Variants in GGCX observed in about 807,000 individuals in gnomAD.
GGCX encodes the protein gamma-glutamyl carboxylase.
Under a neutral mutation model 88.5 loss-of-function variants are expected in GGCX, and 63 were observed. The ratio of observed to expected loss-of-function variants is 0.71; its 90% CI spans 0.58 to 0.88. The LOEUF (loss-of-function observed/expected upper bound fraction) is 0.88. Ranked by LOEUF, GGCX falls within the 40% of genes least tolerant of loss-of-function variation. The probability of loss-of-function intolerance (pLI) is 0.00; values close to 1 mark genes in which losing one functional copy is unlikely to be tolerated. For synonymous variants in GGCX, 368 were observed against 365.8 expected (o/e 1.01, Z -0.07); for missense variants, 805 against 932.9 (o/e 0.86, Z 1.79).
At chr2:85,559,749 T>C (rs1329684159) in intron 2 of GGCX, among the ~76,000 whole-genome samples, 1 of 151,942 alleles carries the variant, frequency 6.6e-6, no homozygotes, top group Non-Finnish European at 1.5e-5. Flanking sequence ...GAAAGTGCTC[T>C]GGGAGTGCTT....
chr2:85,561,339 C>T, intron 1 of GGCX, 47 bp downstream of exon 1: 4 of 1,342,926 alleles, frequency 3.0e-6, no homozygotes, highest in Non-Finnish European at 4.1e-6. Context: ...CCTCTGAGAC[C>T]AGCGCTCCTA....
In GGCX at chr2:85,549,809, T is replaced by G; in HGVS notation, c.*125A>C. On this transcript the variant is annotated 3_prime_UTR_variant, in exon 15 of 15. Transcript: ENST00000233838. ...TGTAATCTCGGAGTTAAAAACAGCTTTAGAACCCCGCCCCCCCAAAAAAAA... is the reference window on the plus strand; with the variant it reads ...TGTAATCTCGGAGTTAAAAACAGCTGTAGAACCCCGCCCCCCCAAAAAAAA... The G allele has an allele frequency of 1.4e-6, 1 of 689,982 alleles. No individual in the cohort carries two copies. The allele number at this position is 689,982 out of a possible 1,614,324, so 42.7% of individuals were successfully genotyped here.
chr2:85,551,146 C>G (rs1573319809), intron 12 of GGCX, 74 bp from the exon 13 acceptor site: 1 of 1,350,306 alleles, frequency 7.4e-7, no homozygotes. Flanking sequence ...TACTCTATGA[C>G]TCTTGGCTTC....
Position 85,554,215 on chromosome 2 carries a change from C to A in GGCX, c.817G>T (p.Asp273Tyr). The change falls in exon 7 of 15, where the codon GAT becomes TAT. Residue 273 changes from aspartate (D) to tyrosine (Y), a missense_variant. Asp to Tyr is a radical substitution (Grantham distance 160, BLOSUM62 -3). Transcript: ENST00000233838. ...AACAGGCCAATGGATCTTGAGACAT[C>A]AAAAAAGAGCAGGAAACCAGCTGAG... is the stretch of plus-strand genomic sequence containing the variant. ...DLSAGFLLFFDVSRSIGLFFV... is the reference protein window; with the variant it reads ...DLSAGFLLFFYVSRSIGLFFV... 2 of 1,613,268 alleles carry A rather than the reference C, an allele frequency of 1.2e-6. No homozygotes were observed. The highest frequency in any genetic ancestry group is 1.7e-6 in the Non-Finnish European group (2 of 1,179,278).
At chr2:85,553,568 G>A (rs1692073985) in intron 7 of GGCX, 71 bp from the exon 8 acceptor site, 2 of 1,437,184 alleles carry the variant, frequency 1.4e-6, no homozygotes, top group Admixed American at 1.7e-5. Context: ...TCCCTTAGGA[G>A]ACTTCTCCCA....
At position 85,548,548 on chromosome 2, in the gene GGCX, C is replaced by T. The variant is rs936391484; in HGVS notation, c.*1386G>A. 2.6e-5 allele frequency: 4 copies of T among 152,268 alleles called. No homozygotes were observed. Among genetic ancestry groups the T allele is most frequent in the South Asian group, 2.1e-4 (1 of 4,828 alleles). 9.4% of individuals were successfully genotyped at this position (152,268 alleles called of 1,614,324 possible). On this transcript the variant is annotated 3_prime_UTR_variant, in exon 15 of 15. Transcript: ENST00000233838. ...AAGCAGTTGCTTAGGAAAGAACCCC[C>T]GGAACACTGTCCAAGGAGGAGTGGG...
At chr2:85,554,801 T>C in intron 6 of GGCX, 1 of 223,808 alleles carries the variant, frequency 4.5e-6, no homozygotes, top group South Asian at 6.9e-5. Flanking sequence ...AGGTGTTCAA[T>C]GTTTTCTAAC....
chr2:85,551,578 G>A lies in GGCX; in HGVS notation c.1642C>T (p.Leu548=), dbSNP rs866055223. ...LHLENFVSED[L]GNTSIQLLQG... ...AGCAGCTGGATGCTAGTGTTGCCCA[G>A]GTCTTCACTCACAAAATTCTCCAAG... The change falls in exon 12 of 15, where the codon CTG becomes TTG. Residue 548 remains leucine, a synonymous_variant. Transcript: ENST00000233838. The A allele has an allele frequency of 3.1e-6, 5 of 1,613,828 alleles. No individual in the cohort carries two copies. The highest frequency in any genetic ancestry group is 4.2e-6 in the Non-Finnish European group (5 of 1,179,950).
rs1691596997 is a variant in GGCX, at chr2:85,545,177, A to G, written c.*4757T>C. 1 of 152,648 alleles carries G rather than the reference A, an allele frequency of 6.6e-6. No homozygotes were observed. The highest frequency in any genetic ancestry group is 2.4e-5 in the African/African-American group (1 of 41,456). 9.5% of individuals were successfully genotyped at this position (152,648 alleles called of 1,614,324 possible). On this transcript the variant is annotated 3_prime_UTR_variant, in exon 15 of 15. Coordinates refer to ENST00000233838, the MANE Select transcript of GGCX (RefSeq NM_000821.7). ...TTCCATGACTGCTTGCCCTAAGCAG[A>G]AAGTGCCTTTCAGGATCTATTTTTG...
rs1691674768 is a variant in GGCX, at chr2:85,546,531, C to T, written c.*3403G>A. 1 of 151,524 alleles carries T rather than the reference C, an allele frequency of 6.6e-6. No individual in the cohort carries two copies. Among genetic ancestry groups the T allele is most frequent in the South Asian group, 2.1e-4 (1 of 4,832 alleles). The allele number at this position is 151,524 out of a possible 1,614,324, so 9.4% of individuals were successfully genotyped here. The stretch of plus-strand genomic sequence containing the variant: ...CACGGTTTGATACCAGCCTGGCAAA[C>T]TGAAACCCCGTCTCTACCAAAAATA... On this transcript the variant is annotated 3_prime_UTR_variant, in exon 15 of 15. Coordinates refer to ENST00000233838, the MANE Select transcript of GGCX (RefSeq NM_000821.7).
chr2:85,553,841 T>C, intron 7 of GGCX: 2 of 472,564 alleles, frequency 4.2e-6, no homozygotes, highest in Non-Finnish European at 7.8e-6. Flanking sequence ...CCTCAGGTGA[T>C]CCACCCACCT....
At chr2:85,558,780 G>C (rs1436838058) in intron 3 of GGCX, 137 bp downstream of exon 3, 2 of 892,722 alleles carry the variant, frequency 2.2e-6, no homozygotes, top group Non-Finnish European at 3.7e-6. Context: ...CACAGCTTAA[G>C]TGACACACAG....
chr2:85,555,652 A>T (rs1252255047), intron 5 of GGCX, 62 bp from the exon 6 acceptor site: 1 of 924,496 alleles, frequency 1.1e-6, no homozygotes, highest in African/African-American at 1.6e-5. Flanking sequence ...ATAGGCAAGA[A>T]TAAAATAAGG....
chr2:85,556,335 G>A (rs1692203241), intron 4 of GGCX, 75 bp from the exon 5 acceptor site: 9 of 902,324 alleles, frequency 1.0e-5, no homozygotes, highest in Admixed American at 5.5e-5. Flanking sequence ...TTTTATACAC[G>A]ATAATCCTAT....
rs945730741 is a variant in GGCX at position 85,545,755 on chromosome 2, C to T, written c.*4179G>A. 1 of 148,726 alleles carries T rather than the reference C, an allele frequency of 6.7e-6. No individual in the cohort carries two copies. The highest frequency in any genetic ancestry group is 1.5e-5 in the Non-Finnish European group (1 of 68,030). The allele number at this position is 148,726 out of a possible 1,614,324, so 9.2% of individuals were successfully genotyped here. ...TTAACCTGGAAGTGGTAATGTCTAT[C>T]TAAAGTCCTGGCAATTTAAGCCTAT... On this transcript the variant is annotated 3_prime_UTR_variant, in exon 15 of 15. Coordinates refer to ENST00000233838, the MANE Select transcript of GGCX (RefSeq NM_000821.7).
rs1692059799 is a variant in GGCX at position 85,553,379 on chromosome 2, G to A, written c.1008C>T (p.Ala336=). 1.9e-6 allele frequency: 3 copies of A among 1,614,206 alleles called. No homozygotes were observed. The highest frequency in any genetic ancestry group is 2.5e-6 in the Non-Finnish European group (3 of 1,180,034). ...ACACACAGGAAACACTGGGCTGAGGGGCTGCCTTGAGGGGCAACAGTTGTT... is the reference window on the plus strand; with the variant it reads ...ACACACAGGAAACACTGGGCTGAGGAGCTGCCTTGAGGGGCAACAGTTGTT... ...RLQQLLPLKA[A]PQPSVSCVYK... Residue 336 remains alanine, a synonymous_variant, in exon 8 of 15, where the codon GCC becomes GCT. Coordinates refer to ENST00000233838, the MANE Select transcript of GGCX (RefSeq NM_000821.7).
Position 85,560,892 on chromosome 2 carries a change from G to C in GGCX, c.137C>G (p.Ser46Cys), listed in dbSNP as rs201510718. Residue 46 changes from serine (S) to cysteine (C), a missense_variant, in exon 2 of 15, where the codon TCC (serine) becomes TGC (cysteine). Around this residue, in one of 3 missense-constraint regions of GGCX, gnomAD observed 64 missense variants for 57.4 expected, o/e 1.12. Coordinates refer to ENST00000233838, the MANE Select transcript of GGCX (RefSeq NM_000821.7). ...CAGGGTCACCAGCCTCCGCCAACTG[G>C]ACAAATCTGTCCACTCAAAACCCAA... Reference protein sequence around the residue: ...KLLGFEWTDLSSWRRLVTLLN... With the variant: ...KLLGFEWTDLCSWRRLVTLLN... 78 of 1,613,718 alleles carry C rather than the reference G, an allele frequency of 4.8e-5. No homozygotes were observed. Among genetic ancestry groups the C allele is most frequent in the Non-Finnish European group, 6.2e-5 (73 of 1,179,720 alleles).
chr2:85,558,011 C>T (rs919768532), intron 4 of GGCX, among the ~76,000 whole-genome samples: 1 of 152,096 alleles, frequency 6.6e-6, no homozygotes, highest in African/African-American at 2.4e-5. Context: ...CTGGTGGGCC[C>T]TCTTCTCCTG....
chr2:85,550,721 G>C lies in GGCX; in HGVS notation c.1918C>G (p.Pro640Ala). 2 of 1,614,068 alleles carry C rather than the reference G, an allele frequency of 1.2e-6. No homozygotes were observed. The highest frequency in any genetic ancestry group is 1.7e-6 in the Non-Finnish European group (2 of 1,179,986). The change falls in exon 14 of 15, where the codon CCT becomes GCT. Residue 640 changes from proline (P) to alanine (A), a missense_variant. Physicochemically the swap from Pro to Ala is conservative, Grantham distance 27. This residue lies in a region of GGCX where 680 missense variants were observed against 763.7 expected (regional missense o/e 0.89). Coordinates refer to ENST00000233838, the MANE Select transcript of GGCX (RefSeq NM_000821.7). ...ETGPLPPELQ[P>A]LLEGEVKGGP... is the part of the protein sequence containing the mutation. ...CCTTTTACTTCCCCTTCCAACAGAGGCTGCAGCTCTGGGGGTAGAGGCCCT... is the reference window on the plus strand; with the variant it reads ...CCTTTTACTTCCCCTTCCAACAGAGCCTGCAGCTCTGGGGGTAGAGGCCCT...
Sources: gnomAD v4.1 joint callset for allele counts (sites outside exome capture counted in the v4.1 genomes callset) on GRCh38, gnomAD v4.1.1 for gene constraint, gnomAD v4.1.1 regional missense constraint, MANE v1.5 for transcripts, NCBI Gene and HGNC (gene_info 2026-07-23, HGNC 2026-07-21) for gene names.